The following TRAPPC9 variants were observed in gnomAD, a reference collection of about 807,000 sequenced individuals.
The protein encoded by TRAPPC9 is trafficking protein particle complex subunit 9, also known as IKK2 binding protein.
A neutral mutation model predicts 124.0 loss-of-function variants in TRAPPC9; 83 were observed. That is an observed-to-expected ratio of 0.67 (90% confidence interval 0.56 to 0.80). The LOEUF (loss-of-function observed/expected upper bound fraction) is 0.80, where lower values mean the gene tolerates loss of function less well. Ranked by LOEUF, TRAPPC9 falls within the 30% of genes least tolerant of loss-of-function variation. The pLI is 0.00. For missense variants in TRAPPC9, 1,302 were observed against 1,508.3 expected (o/e 0.86, Z 2.27); for synonymous variants, 638 against 617.5 (o/e 1.03, Z -0.49).
intron 21 of TRAPPC9, among the ~76,000 whole-genome samples, chr8:139,797,039 T>C (rs937187573): frequency 1.3e-5 from 2 of 152,254 alleles, no homozygotes; most frequent in African/African-American, 4.8e-5. Flanking sequence ...TGGCCATTTA[T>C]ATTGCTCTTT....
intron 17 of TRAPPC9, among the ~76,000 whole-genome samples, chr8:140,062,709 C>A (rs1842693760): frequency 6.6e-6 from 1 of 152,162 alleles, no homozygotes; most frequent in Non-Finnish European, 1.5e-5. Context: ...ATGGGGAGCA[C>A]AAACCTAACC....
At chr8:140,164,415 T>A (rs1202104991) in intron 17 of TRAPPC9, among the ~76,000 whole-genome samples, 1 of 152,238 alleles carries the variant, frequency 6.6e-6, no homozygotes, top group African/African-American at 2.4e-5. Context: ...ATATCTTTTC[T>A]GGACAATGCC....
chr8:139,962,971 T>A (rs1314791941), intron 19 of TRAPPC9, among the ~76,000 whole-genome samples: 1 of 152,216 alleles, frequency 6.6e-6, no homozygotes, highest in Non-Finnish European at 1.5e-5. Flanking sequence ...TACTCCTCCA[T>A]GTTCAGACCT....
At chr8:140,452,902 T>C (rs1002642054) in intron 1 of TRAPPC9, among the ~76,000 whole-genome samples, 4 of 152,166 alleles carry the variant, frequency 2.6e-5, no homozygotes, top group Admixed American at 6.6e-5. Flanking sequence ...CCTAGTTTCA[T>C]TGTGAATAAA....
chr8:139,799,215 A>T (rs1342276143), intron 21 of TRAPPC9, among the ~76,000 whole-genome samples: 12 of 149,554 alleles, frequency 8.0e-5, no homozygotes, highest in Admixed American at 8.0e-4. Flanking sequence ...AAAACCTATC[A>T]TTTTTTTTTT....
intron 17 of TRAPPC9, among the ~76,000 whole-genome samples, chr8:140,171,468 C>A (rs1345019916): frequency 6.6e-6 from 1 of 152,202 alleles, no homozygotes. Flanking sequence ...GAAGAACATA[C>A]CTGTAAAACA....
At chr8:139,937,829 C>T (rs1396500234) in intron 19 of TRAPPC9, among the ~76,000 whole-genome samples, 1 of 152,292 alleles carries the variant, frequency 6.6e-6, no homozygotes, top group East Asian at 1.9e-4. Context: ...CTCTGGCCAG[C>T]GCTTGACAAA....
intron 17 of TRAPPC9, among the ~76,000 whole-genome samples, chr8:140,082,447 T>C (rs59138312): frequency 0.054 from 8,228 of 152,246 alleles, 276 homozygotes; most frequent in East Asian, 0.079. Flanking sequence ...GCATCTGCAT[T>C]TCCCAAATAA....
rs527255503 is a variant in TRAPPC9, at chr8:139,964,921, T to G, written c.2810+23805A>C. Reference sequence around the variant, plus strand: ...AATGCTGTCCATAACATTGCCCAAATGCAGCTGATCTATCCTATCGTACCG... The same window carrying G: ...AATGCTGTCCATAACATTGCCCAAAGGCAGCTGATCTATCCTATCGTACCG... On this transcript the variant is annotated intron_variant, in intron 19 of 22. Coordinates refer to ENST00000438773, the MANE Select transcript of TRAPPC9 (RefSeq NM_001160372.4). Among the ~76,000 whole-genome samples the G allele has an allele frequency of 2.6e-5, 4 of 152,320 alleles. No individual in the cohort carries two copies. In the South Asian group the frequency reaches 8.3e-4, roughly 32 times the overall value.
intron 19 of TRAPPC9, among the ~76,000 whole-genome samples, chr8:139,924,259 G>A (rs889820509): frequency 6.6e-6 from 1 of 152,214 alleles, no homozygotes; most frequent in African/African-American, 2.4e-5. Context: ...GGTGAGGTTT[G>A]AAAAGCCGCA....
At chr8:139,871,188 G>A (rs1032021471) in intron 21 of TRAPPC9, among the ~76,000 whole-genome samples, 6 of 152,136 alleles carry the variant, frequency 3.9e-5, no homozygotes, top group South Asian at 2.1e-4. Flanking sequence ...GTGAGAGTCC[G>A]CCAGCTGAGA....
intron 21 of TRAPPC9, among the ~76,000 whole-genome samples, chr8:139,848,810 G>A (rs891584603): frequency 6.6e-6 from 1 of 152,140 alleles, no homozygotes. Flanking sequence ...TTGGCTCAGC[G>A]TTTGCTTCGC....
At chr8:139,967,066 G>T (rs928808232) in intron 19 of TRAPPC9, among the ~76,000 whole-genome samples, 47 of 152,294 alleles carry the variant, frequency 3.1e-4, no homozygotes, top group African/African-American at 1.1e-3. Context: ...GGTAGATTGC[G>T]TTACTGTCCG....
rs576348936 is a variant in TRAPPC9, at chr8:139,975,759, G to A, written c.2810+12967C>T. Among the ~76,000 whole-genome samples, 208 of 152,076 alleles carry A rather than the reference G, an allele frequency of 1.4e-3. 1 individual carries two copies. Among genetic ancestry groups the A allele is most frequent in the Non-Finnish European group, 1.9e-3 (127 of 67,998 alleles). On this transcript the variant is annotated intron_variant, in intron 19 of 22. Transcript: ENST00000438773. Reference sequence around the variant, plus strand: ...AACTTCACCCCACTCAAGCTGCCCTGGCTGTGCCAACGCCCCTCCTCTCTT... The same window carrying A: ...AACTTCACCCCACTCAAGCTGCCCTAGCTGTGCCAACGCCCCTCCTCTCTT...
intron 20 of TRAPPC9, among the ~76,000 whole-genome samples, chr8:139,893,217 C>T (rs2131167198): frequency 6.6e-6 from 1 of 152,344 alleles, no homozygotes; most frequent in African/African-American, 2.4e-5. Flanking sequence ...TGTCCATTTC[C>T]ATGTCTGTTT....
At chr8:139,926,844 C>T (rs1832848936) in intron 19 of TRAPPC9, among the ~76,000 whole-genome samples, 1 of 151,926 alleles carries the variant, frequency 6.6e-6, no homozygotes, top group Non-Finnish European at 1.5e-5. Flanking sequence ...AACTAAACTG[C>T]ATCAAATGTA....
intron 1 of TRAPPC9, among the ~76,000 whole-genome samples, chr8:140,452,793 T>C (rs1029384064): frequency 3.3e-5 from 5 of 152,190 alleles, no homozygotes; most frequent in African/African-American, 1.2e-4. Flanking sequence ...ACGGTCATGA[T>C]GGAAATCCCA....
chr8:140,447,090 T>C (rs1205460390), intron 2 of TRAPPC9, among the ~76,000 whole-genome samples: 1 of 152,142 alleles, frequency 6.6e-6, no homozygotes, highest in East Asian at 1.9e-4. Flanking sequence ...CCTGGGACTT[T>C]TGCAGTTAAG....
At chr8:139,796,617 T>C (rs1404958057) in intron 21 of TRAPPC9, among the ~76,000 whole-genome samples, 1 of 152,268 alleles carries the variant, frequency 6.6e-6, no homozygotes, top group Non-Finnish European at 1.5e-5. Context: ...TAATATTCCA[T>C]GTTATGGCTA....
Sources: allele counts gnomAD v4.1 joint callset (sites outside exome capture counted in the v4.1 genomes callset), GRCh38; gene constraint gnomAD v4.1.1; transcripts MANE v1.5; gene names NCBI Gene and HGNC (gene_info 2026-07-23, HGNC 2026-07-21).